TEAD4: variants seen among roughly 807,000 people sequenced by gnomAD.
TEAD4 encodes the protein transcriptional enhancer factor TEF-3.
Under a neutral mutation model 52.4 loss-of-function variants are expected in TEAD4, and 36 were observed. The observed-to-expected ratio is 0.69, with a 90% CI of 0.53 to 0.91. The LOEUF is 0.91. TEAD4 is among the 40% of genes least tolerant of loss of function. TEAD4 has a pLI of 0.00. For missense variants in TEAD4, 508 were observed against 583.9 expected (o/e 0.87, Z 1.34); for synonymous variants, 220 against 231.0 (o/e 0.95, Z 0.43).
chr12:3,035,948 G>A (rs112937899), intron 10 of TEAD4, among the ~76,000 whole-genome samples: 1 of 152,090 alleles, frequency 6.6e-6, no homozygotes, highest in Non-Finnish European at 1.5e-5. Flanking sequence ...ATCTAGTCCG[G>A]CAGAGGCCTC....
intron 2 of TEAD4, among the ~76,000 whole-genome samples, chr12:2,984,957 A>G (rs1022308109): frequency 6.6e-6 from 1 of 152,190 alleles, no homozygotes; most frequent in African/African-American, 2.4e-5. Context: ...CATTACTGAT[A>G]CTACTGTAGA....
chr12:2,982,556 T>C (rs1232459589), intron 2 of TEAD4, among the ~76,000 whole-genome samples: 2 of 152,150 alleles, frequency 1.3e-5, no homozygotes, highest in Non-Finnish European at 2.9e-5. Flanking sequence ...CCCCATTCCA[T>C]GAGCCGCAGG....
At chr12:2,996,407 T>C in intron 3 of TEAD4, among the ~76,000 whole-genome samples, 1 of 150,110 alleles carries the variant, frequency 6.7e-6, no homozygotes. Flanking sequence ...CTTTTCTCTC[T>C]CTCTCTTTTT....
At chr12:2,974,579 G>A (rs977250753) in intron 2 of TEAD4, among the ~76,000 whole-genome samples, 5 of 152,192 alleles carry the variant, frequency 3.3e-5, no homozygotes, top group African/African-American at 1.2e-4. Flanking sequence ...GAGTAGGGCA[G>A]AGCTGGAGTC....
chr12:3,019,879 C>G (rs1289537685), intron 8 of TEAD4, among the ~76,000 whole-genome samples: 1 of 152,166 alleles, frequency 6.6e-6, no homozygotes, highest in Non-Finnish European at 1.5e-5. Flanking sequence ...GCGTCAGGTC[C>G]CGTCCACCCT....
intron 3 of TEAD4, 144 bp from the exon 4 acceptor site, chr12:3,010,860 C>A (rs1035829513): frequency 2.5e-6 from 2 of 797,630 alleles, no homozygotes; most frequent in Non-Finnish European, 4.1e-6. Context: ...AGAGAGGGAA[C>A]CCACAGAATC....
intron 2 of TEAD4, among the ~76,000 whole-genome samples, chr12:2,965,925 G>A (rs535907452): frequency 5.3e-5 from 8 of 151,748 alleles, no homozygotes; most frequent in Middle Eastern, 6.8e-3. Context: ...GCAGTGATGC[G>A]GTCATGGCTT....
At chr12:2,966,671 A>G (rs2098220572) in intron 2 of TEAD4, among the ~76,000 whole-genome samples, 1 of 151,720 alleles carries the variant, frequency 6.6e-6, no homozygotes, top group South Asian at 2.1e-4. Context: ...TTGACCTCCC[A>G]GAGTGTTGGT....
At chr12:2,977,322 C>T (rs946388077) in intron 2 of TEAD4, among the ~76,000 whole-genome samples, 9 of 152,318 alleles carry the variant, frequency 5.9e-5, no homozygotes, top group African/African-American at 2.2e-4. Flanking sequence ...CCTTCCTGCT[C>T]TCTCTCCCTT....
chr12:3,020,916 C>G (rs1057176619), intron 9 of TEAD4, 143 bp downstream of exon 9: 18 of 902,364 alleles, frequency 2.0e-5, no homozygotes, highest in South Asian at 1.6e-4. Context: ...CCCTTCCCCC[C>G]ACTCCTCCTT....
chr12:2,980,003 G>C (rs757547012), intron 2 of TEAD4, among the ~76,000 whole-genome samples: 1 of 152,136 alleles, frequency 6.6e-6, no homozygotes, highest in African/African-American at 2.4e-5. Context: ...CTGGGAAGAA[G>C]CCCTCTCCTG....
chr12:2,999,215 C>A (rs1014673324), intron 3 of TEAD4, among the ~76,000 whole-genome samples: 8 of 152,182 alleles, frequency 5.3e-5, no homozygotes, highest in African/African-American at 1.4e-4. Flanking sequence ...GGCATCTGCG[C>A]TTCCCATCCT....
intron 10 of TEAD4, among the ~76,000 whole-genome samples, chr12:3,030,447 C>T (rs7311791): frequency 0.6 from 91,682 of 151,980 alleles, 33,197 homozygotes; most frequent in East Asian, 0.94. Flanking sequence ...CCTCCAGCTC[C>T]GAGCCACGCA....
intron 10 of TEAD4, among the ~76,000 whole-genome samples, chr12:3,022,450 T>C (rs946934465): frequency 2.6e-5 from 4 of 152,184 alleles, no homozygotes; most frequent in Non-Finnish European, 4.4e-5. Flanking sequence ...CAAGGCATGT[T>C]GGGCTGAACA....
intron 5 of TEAD4, among the ~76,000 whole-genome samples, chr12:3,013,879 C>A (rs2098262356): frequency 1.3e-5 from 2 of 151,926 alleles, no homozygotes; most frequent in Non-Finnish European, 2.9e-5. Context: ...GACCCCATCT[C>A]TGAAAATATT....
intron 2 of TEAD4, among the ~76,000 whole-genome samples, chr12:2,967,422 TTAAC>T (rs2153952422): frequency 6.6e-6 from 1 of 152,328 alleles, no homozygotes; most frequent in East Asian, 1.9e-4. Flanking sequence ...TATACTATAT[TTAAC>T]TATGCCCTAC....
chr12:2,986,383 A>T (rs775288000), intron 2 of TEAD4, among the ~76,000 whole-genome samples: 6 of 151,990 alleles, frequency 3.9e-5, no homozygotes, highest in African/African-American at 7.2e-5. Flanking sequence ...CACGCCTGCA[A>T]TCCCAGTCCT....
chr12:2,978,605 T>C (rs1711971803), intron 2 of TEAD4, among the ~76,000 whole-genome samples: 2 of 152,096 alleles, frequency 1.3e-5, no homozygotes, highest in South Asian at 2.1e-4. Flanking sequence ...GGTTTCACCA[T>C]GTTGGCCAGG....
At chr12:3,014,407 A>G (rs556196838) in intron 5 of TEAD4, among the ~76,000 whole-genome samples, 6 of 152,352 alleles carry the variant, frequency 3.9e-5, no homozygotes, top group Middle Eastern at 3.4e-3. Flanking sequence ...ACAGACACCA[A>G]GGGGAGCCAT....
Sources: allele counts gnomAD v4.1 joint callset (sites outside exome capture counted in the v4.1 genomes callset), GRCh38; gene constraint gnomAD v4.1.1; transcripts MANE v1.5; gene names NCBI Gene and HGNC (gene_info 2026-07-23, HGNC 2026-07-21).